The following ANKRD11 variants were observed in gnomAD, a reference collection of about 807,000 sequenced individuals.
The protein encoded by ANKRD11 is ankyrin repeat domain-containing protein 11.
In ANKRD11, 17 loss-of-function variants were observed where a neutral mutation model predicts 195.7. The observed-to-expected ratio is 0.09, with a 90% CI of 0.06 to 0.13. The LOEUF (loss-of-function observed/expected upper bound fraction) is 0.13, where lower values mean the gene tolerates loss of function less well. Ranked by LOEUF, ANKRD11 falls within the 10% of genes least tolerant of loss-of-function variation. ANKRD11 has a pLI of 1.00. For synonymous variants in ANKRD11, 1,953 were observed against 1,528.1 expected (o/e 1.28, Z -6.49); for missense variants, 3,735 against 3,566.1 (o/e 1.05, Z -1.21).
At chr16:89,390,346 G>A (rs1031748947) in intron 2 of ANKRD11, among the ~76,000 whole-genome samples, 4 of 150,794 alleles carry the variant, frequency 2.7e-5, no homozygotes, top group African/African-American at 7.3e-5. Flanking sequence ...TCACTGGGGC[G>A]AACACCGAGT....
Position 89,351,199 on chromosome 16 carries a change from G to A in ANKRD11, c.-59-34121C>T, listed in dbSNP as rs888504418. 9.2e-5 allele frequency among the ~76,000 whole-genome samples: 14 copies of A among 152,356 alleles called. No homozygotes were observed. The South Asian group carries it at 1.0e-3, about 11-fold the overall frequency. On this transcript the variant is annotated intron_variant, in intron 2 of 12. Coordinates refer to ENST00000301030, the MANE Select transcript of ANKRD11 (RefSeq NM_013275.6). The stretch of plus-strand genomic sequence containing the variant: ...TGAAGAAAAGCAGAGAGGCGGCGGC[G>A]GCAGCTGGTGGTGGGCATGGGCGAG...
At chr16:89,434,750 T>C (rs1253312141) in intron 1 of ANKRD11, among the ~76,000 whole-genome samples, 2 of 152,196 alleles carry the variant, frequency 1.3e-5, no homozygotes, top group African/African-American at 4.8e-5. Flanking sequence ...GTCTTCTAGT[T>C]TGTAGTGGCC....
chr16:89,385,004 G>C (rs1411121323), intron 2 of ANKRD11, among the ~76,000 whole-genome samples: 1 of 139,520 alleles, frequency 7.2e-6, no homozygotes. Context: ...TCCTGACTCA[G>C]CCTCCCAAGT....
At chr16:89,412,449 C>G (rs534271101) in intron 2 of ANKRD11, 2 of 152,578 alleles carry the variant, frequency 1.3e-5, no homozygotes, top group Non-Finnish European at 2.9e-5. Flanking sequence ...CTTCCTCCTA[C>G]CTTCCTCTTC....
chr16:89,286,979 T>C, intron 7 of ANKRD11: 1 of 1,289,824 alleles, frequency 7.8e-7, no homozygotes, highest in Non-Finnish European at 1.0e-6. Flanking sequence ...ACATGTTCTA[T>C]TGTTGAATCA....
intron 11 of ANKRD11, 164 bp from the exon 12 acceptor site, chr16:89,271,073 C>G: frequency 1.4e-6 from 1 of 697,248 alleles, no homozygotes. Flanking sequence ...ATGGCAGGCG[C>G]ACCCTGCCCA....
At chr16:89,462,956 G>A (rs1479579863) in intron 1 of ANKRD11, among the ~76,000 whole-genome samples, 1 of 151,114 alleles carries the variant, frequency 6.6e-6, no homozygotes, top group African/African-American at 2.4e-5. Context: ...GGTGGGGGGG[G>A]TCAGCCCCCC....
chr16:89,406,904 C>A (rs768905883), intron 2 of ANKRD11, among the ~76,000 whole-genome samples: 1 of 152,174 alleles, frequency 6.6e-6, no homozygotes, highest in Non-Finnish European at 1.5e-5. Context: ...TCAGGCCGGA[C>A]GTGGTGGCTC....
At chr16:89,340,607 T>C (rs1405961960) in intron 2 of ANKRD11, among the ~76,000 whole-genome samples, 1 of 152,214 alleles carries the variant, frequency 6.6e-6, no homozygotes, top group Non-Finnish European at 1.5e-5. Context: ...AGATCTTGGT[T>C]AGACAAGGGG....
chr16:89,391,940 A>G (rs1474514454), intron 2 of ANKRD11, among the ~76,000 whole-genome samples: 1 of 152,256 alleles, frequency 6.6e-6, no homozygotes, highest in Non-Finnish European at 1.5e-5. Context: ...TACTGGTCGA[A>G]GCAAGCATTA....
intron 1 of ANKRD11, among the ~76,000 whole-genome samples, chr16:89,457,778 A>G (rs1403864990): frequency 6.6e-6 from 1 of 152,046 alleles, no homozygotes; most frequent in East Asian, 1.9e-4. Context: ...AAAACTGTCA[A>G]ACTCATCCTA....
intron 3 of ANKRD11, chr16:89,313,637 G>C: frequency 7.8e-7 from 1 of 1,277,804 alleles, no homozygotes; most frequent in African/African-American, 1.5e-5. Flanking sequence ...CTGGAGAAAA[G>C]GGAGTTTATG....
chr16:89,301,956 A>T (rs970492313), intron 4 of ANKRD11, among the ~76,000 whole-genome samples: 1 of 152,088 alleles, frequency 6.6e-6, no homozygotes, highest in African/African-American at 2.4e-5. Context: ...CAGCCAAGGC[A>T]TCCGGCACGG....
At chr16:89,303,241 A>G (rs1481113345) in intron 4 of ANKRD11, among the ~76,000 whole-genome samples, 2 of 152,254 alleles carry the variant, frequency 1.3e-5, no homozygotes, top group East Asian at 3.8e-4. Context: ...CAACTCCCGC[A>G]TGGCCACTGT....
At chr16:89,470,554 T>G (rs1183051211) in intron 1 of ANKRD11, among the ~76,000 whole-genome samples, 2 of 152,114 alleles carry the variant, frequency 1.3e-5, no homozygotes, top group African/African-American at 4.8e-5. Flanking sequence ...CTAAGAAATC[T>G]CATGAAAGCA....
chr16:89,395,813 C>G (rs541869622), intron 2 of ANKRD11: 1 of 152,186 alleles, frequency 6.6e-6, no homozygotes, highest in Admixed American at 6.5e-5. Context: ...TGGGTGACAC[C>G]GCACTGATGA....
intron 1 of ANKRD11, among the ~76,000 whole-genome samples, chr16:89,433,440 T>A (rs1353802043): frequency 1.3e-5 from 2 of 152,154 alleles, no homozygotes; most frequent in Non-Finnish European, 2.9e-5. Flanking sequence ...TGCACCTCAC[T>A]ACCACCGACA....
At chr16:89,319,675 G>A (rs989351832) in intron 2 of ANKRD11, among the ~76,000 whole-genome samples, 1 of 152,370 alleles carries the variant, frequency 6.6e-6, no homozygotes. Flanking sequence ...GGTGACAGCT[G>A]AGATGTCCTG....
chr16:89,456,762 T>C (rs549921195), intron 1 of ANKRD11, among the ~76,000 whole-genome samples: 47 of 152,180 alleles, frequency 3.1e-4, no homozygotes, highest in African/African-American at 1.1e-3. Context: ...GTCTCCAAAA[T>C]AGACAGATCC....
Sources: gnomAD v4.1 joint callset for allele counts (sites outside exome capture counted in the v4.1 genomes callset) on GRCh38, gnomAD v4.1.1 for gene constraint, MANE v1.5 for transcripts, NCBI Gene and HGNC (gene_info 2026-07-23, HGNC 2026-07-21) for gene names.